FBLN1: variants seen among roughly 807,000 people sequenced by gnomAD.
The protein encoded by FBLN1 is fibulin-1.
Under a neutral mutation model 89.7 loss-of-function variants are expected in FBLN1, and 34 were observed. The observed-to-expected ratio is 0.38, with a 90% CI of 0.29 to 0.50. The LOEUF (loss-of-function observed/expected upper bound fraction) is 0.50, where lower values mean the gene tolerates loss of function less well. FBLN1 is among the 20% of genes least tolerant of loss of function. The pLI is 0.92. For synonymous variants in FBLN1, 393 were observed against 391.3 expected (o/e 1.00, Z -0.05); for missense variants, 777 against 988.1 (o/e 0.79, Z 2.86).
At chr22:45,523,209 G>GT (rs760530957) in intron 2 of FBLN1, 13 of 770,846 alleles carry the variant, frequency 1.7e-5, no homozygotes, top group Non-Finnish European at 2.7e-5. Flanking sequence ...GAGAGGGTGT[G>GT]TACAGCAAGG....
intron 16 of FBLN1, among the ~76,000 whole-genome samples, chr22:45,595,520 C>T (rs1329573885): frequency 1.3e-5 from 2 of 152,144 alleles, no homozygotes; most frequent in Non-Finnish European, 2.9e-5. Context: ...GTGGTCCTTC[C>T]TTTCTAGTTG....
chr22:45,567,406 G>A (rs145538180), intron 14 of FBLN1, among the ~76,000 whole-genome samples: 113 of 152,254 alleles, frequency 7.4e-4, no homozygotes, highest in African/African-American at 2.6e-3. Flanking sequence ...ACTGAAGGTC[G>A]GGAGTTCAAG....
At chr22:45,529,068 C>T (rs2088368921) in intron 4 of FBLN1, among the ~76,000 whole-genome samples, 1 of 152,198 alleles carries the variant, frequency 6.6e-6, no homozygotes, top group Non-Finnish European at 1.5e-5. Flanking sequence ...TGCCCTTGTC[C>T]CTTCAGCTGC....
rs149434866 is a variant in FBLN1, at chr22:45,541,363, C to T, written c.1057C>T (p.Arg353Cys). 8.1e-6 allele frequency: 13 copies of T among 1,614,108 alleles called. No homozygotes were observed. Among genetic ancestry groups the T allele is most frequent in the Admixed American group, 3.3e-5 (2 of 60,012 alleles). ...RGYHLNEEGT[R>C]CVDVDECAPP... ...CTACCATCTCAACGAGGAGGGAACG[C>T]GCTGTGTTGGTTGGTATTAAGAAAA... The change falls in exon 9 of 17, where the codon CGC becomes TGC. Residue 353 changes from arginine to cysteine, a missense_variant. Transcript: ENST00000327858.
At chr22:45,519,072 T>C (rs1338314582) in intron 2 of FBLN1, among the ~76,000 whole-genome samples, 1 of 108,392 alleles carries the variant, frequency 9.2e-6, no homozygotes, top group Admixed American at 8.2e-5. Flanking sequence ...TGTGGGCAAG[T>C]CAGTTTTCTC....
Position 45,549,936 on chromosome 22 carries a change from T to C in FBLN1, c.1574-556T>C, listed in dbSNP as rs1350392471. Among the ~76,000 whole-genome samples the C allele has an allele frequency of 1.3e-5, 2 of 151,766 alleles. No individual in the cohort carries two copies. Among genetic ancestry groups the C allele is most frequent in the African/African-American group, 4.9e-5 (2 of 41,076 alleles). On this transcript the variant is annotated intron_variant, in intron 13 of 16. Coordinates refer to ENST00000327858, the MANE Select transcript of FBLN1 (RefSeq NM_006486.3). The surrounding 1 kb of genome is among the most constrained non-coding windows in gnomAD (Gnocchi z 5.7). ...GATCCCTCGAAGGCTGTTTTTCTCATTGTTGTGTGGAGCTAGCAGCTCCTG... is the reference window on the plus strand; with the variant it reads ...GATCCCTCGAAGGCTGTTTTTCTCACTGTTGTGTGGAGCTAGCAGCTCCTG...
intron 1 of FBLN1, among the ~76,000 whole-genome samples, chr22:45,516,736 G>A (rs1353355696): frequency 6.6e-6 from 1 of 152,256 alleles, no homozygotes; most frequent in Non-Finnish European, 1.5e-5. Flanking sequence ...CGCCACTGCA[G>A]GACTCCTCCT....
Position 45,535,363 on chromosome 22 carries a change from C to T in FBLN1, c.922+26C>T, listed in dbSNP as rs566884600. 205 of 1,613,472 alleles carry T rather than the reference C, an allele frequency of 1.3e-4. No individual in the cohort carries two copies. The East Asian group carries it at 3.4e-3, about 27-fold the overall frequency. The stretch of plus-strand genomic sequence containing the variant: ...GTAAGAGGTGTGCCGCCAGGATTAG[C>T]GGGTTATTCCAGGAGGGGCCAGCGA... On this transcript the variant is annotated intron_variant, in intron 8 of 16. Transcript: ENST00000327858.
intron 14 of FBLN1, among the ~76,000 whole-genome samples, chr22:45,573,680 C>CAAAAAA (rs60082908): frequency 0.03 from 1,716 of 57,946 alleles, 109 homozygotes; most frequent in African/African-American, 0.04. Context: ...GACTCTGTCT[C>CAAAAAA]AAAAAAAAAA....
rs894437804 is a variant in FBLN1, at chr22:45,537,662, C to G, written c.922+2325C>G. Among the ~76,000 whole-genome samples the G allele has an allele frequency of 6.6e-6, 1 of 152,056 alleles. No homozygotes were observed. The highest frequency in any genetic ancestry group is 2.4e-5 in the African/African-American group (1 of 41,416). ...TAAAAAGACAAGTGGAACAGTGAGC[C>G]CTTAGGACAGGGGCCTCGTCTGAAA... is the stretch of plus-strand genomic sequence containing the variant. On this transcript the variant is annotated intron_variant, in intron 8 of 16. Coordinates refer to ENST00000327858, the MANE Select transcript of FBLN1 (RefSeq NM_006486.3). The surrounding 1 kb of genome is among the most constrained non-coding windows in gnomAD (Gnocchi z 5.7).
At position 45,531,000 on chromosome 22, in the gene FBLN1, G is replaced by A. The variant is rs2285181; in HGVS notation, c.485-265G>A. On this transcript the variant is annotated intron_variant, in intron 4 of 16. Coordinates refer to ENST00000327858, the MANE Select transcript of FBLN1 (RefSeq NM_006486.3). The surrounding 1 kb of genome is among the most constrained non-coding windows in gnomAD (Gnocchi z 5.4). ...GATGGTCTTGAACTCCTGACCTCAG[G>A]TGATCCGCCTGCCTCGGCCTCCCAA... Among the ~76,000 whole-genome samples the A allele has an allele frequency of 0.18, 27,967 of 152,064 alleles. 2,870 individuals carry two copies. The highest frequency in any genetic ancestry group is 0.47 in the East Asian group (2,453 of 5,168).
In FBLN1 at chr22:45,557,975, G is replaced by A; in HGVS notation, c.1697+7360G>A. ...TGTCCTTCAGGGATGTCCTAGAAAG[G>A]GGCAGTAGTGCTGCAGCTGTCCACT... On this transcript the variant is annotated intron_variant, in intron 14 of 16. Coordinates refer to ENST00000327858, the MANE Select transcript of FBLN1 (RefSeq NM_006486.3). The surrounding 1 kb of genome is among the most constrained non-coding windows in gnomAD (Gnocchi z 4.9). 3 of 702,204 alleles carry A rather than the reference G, an allele frequency of 4.3e-6. No homozygotes were observed. Among genetic ancestry groups the A allele is most frequent in the Non-Finnish European group, 8.0e-6 (3 of 376,660 alleles). 43.5% of individuals were successfully genotyped at this position (702,204 alleles called of 1,614,324 possible). A position where few individuals can be genotyped will look rare whatever the true frequency, so the allele number is the denominator to read the frequency against.
At chr22:45,565,428 T>A in intron 14 of FBLN1, 1 of 475,580 alleles carries the variant, frequency 2.1e-6, no homozygotes, top group Non-Finnish European at 3.4e-6. Flanking sequence ...CTTTAGCATG[T>A]GCCATGCTGT....
In FBLN1 at chr22:45,562,995, C is replaced by T. The variant is rs1250002800; in HGVS notation, c.1698-11516C>T. ...ATAACCTACTACCACCTCTCTTTCCCCACCAACATCCAAGCGCCCGCGGTG... is the reference window on the plus strand; with the variant it reads ...ATAACCTACTACCACCTCTCTTTCCTCACCAACATCCAAGCGCCCGCGGTG... On this transcript the variant is annotated intron_variant, in intron 14 of 16. Coordinates refer to ENST00000327858, the MANE Select transcript of FBLN1 (RefSeq NM_006486.3). This position sits in a 1 kb window ranked among gnomAD's most constrained non-coding sequence, Gnocchi z 7.8. The T allele has an allele frequency of 6.2e-7, 1 of 1,613,846 alleles. No homozygotes were observed. Among genetic ancestry groups the T allele is most frequent in the Non-Finnish European group, 8.5e-7 (1 of 1,180,020 alleles).
At chr22:45,507,667 AC>A (rs2088040878) in intron 1 of FBLN1, among the ~76,000 whole-genome samples, 1 of 152,056 alleles carries the variant, frequency 6.6e-6, no homozygotes, top group Admixed American at 6.5e-5. Flanking sequence ...AGCTGCGACT[AC>A]AGGCATGCGC....
At chr22:45,555,433 G>A (rs370950225) in intron 14 of FBLN1, among the ~76,000 whole-genome samples, 1 of 152,108 alleles carries the variant, frequency 6.6e-6, no homozygotes, top group South Asian at 2.1e-4. Flanking sequence ...AAGAAAAAAT[G>A]AGTCCAATGT....
rs970964727 is a variant in FBLN1, at chr22:45,542,289, T to G, written c.1195+6T>G. 6.2e-7 allele frequency: 1 copy of G among 1,613,568 alleles called. No homozygotes were observed. Among genetic ancestry groups the G allele is most frequent in the Non-Finnish European group, 8.5e-7 (1 of 1,180,008 alleles). ...CATCAGCAGGATGTGTGTCGGTGCGTGGGGGGCCCCGCAGGCCTCGGGGGA... is the reference window on the plus strand; with the variant it reads ...CATCAGCAGGATGTGTGTCGGTGCGGGGGGGGCCCCGCAGGCCTCGGGGGA... On this transcript the variant is annotated splice_donor_region_variant and intron_variant, in intron 10 of 16. Transcript: ENST00000327858.
intron 2 of FBLN1, among the ~76,000 whole-genome samples, chr22:45,524,505 C>T (rs1190369863): frequency 6.6e-6 from 1 of 152,180 alleles, no homozygotes; most frequent in African/African-American, 2.4e-5. Flanking sequence ...CCACTGCAGC[C>T]ACCATCCCTC....
At chr22:45,546,076 T>C (rs2088622723) in intron 11 of FBLN1, among the ~76,000 whole-genome samples, 1 of 152,180 alleles carries the variant, frequency 6.6e-6, no homozygotes, top group African/African-American at 2.4e-5. Flanking sequence ...CTTGAATTCA[T>C]GTCCACATTT....
Sources: allele counts gnomAD v4.1 joint callset (sites outside exome capture counted in the v4.1 genomes callset), GRCh38; gene constraint gnomAD v4.1.1; non-coding constraint Gnocchi (gnomAD v3.1); transcripts MANE v1.5; gene names NCBI Gene and HGNC (gene_info 2026-07-23, HGNC 2026-07-21).